Variants in LUZP2 observed in about 807,000 individuals in gnomAD.
The protein encoded by LUZP2 is leucine zipper protein 2.
LUZP2 carries 52 observed loss-of-function variants against 51.6 expected under a neutral mutation model. The ratio of observed to expected loss-of-function variants is 1.01; its 90% confidence interval spans 0.81 to 1.27. The LOEUF is 1.27. Ranked by LOEUF, LUZP2 falls within the 50% of genes most tolerant of loss-of-function variation. The pLI is 0.00. For synonymous variants in LUZP2, 154 were observed against 137.3 expected, an observed-to-expected ratio of 1.12 and a Z score of -0.85; for missense variants, 436 against 395.4, an observed-to-expected ratio of 1.10 and a Z score of -0.87.
intron 5 of LUZP2, among the ~76,000 whole-genome samples, chr11:24,862,615 A>G (rs982518023): frequency 4.6e-5 from 7 of 152,216 alleles, no homozygotes; most frequent in African/African-American, 1.7e-4. Flanking sequence ...GTCAAGATCC[A>G]TCGGTGTGCT....
chr11:24,551,044 C>A (rs931066459), intron 1 of LUZP2, among the ~76,000 whole-genome samples: 2 of 151,946 alleles, frequency 1.3e-5, no homozygotes, highest in Non-Finnish European at 2.9e-5. Flanking sequence ...AAAATTTATA[C>A]ATTTAGAAGA....
At position 24,788,415 on chromosome 11, in the gene LUZP2, C is replaced by G. The variant is rs141962062; in HGVS notation, c.396+25107C>G. Among the ~76,000 whole-genome samples, 589 of 151,880 alleles carry G rather than the reference C, an allele frequency of 3.9e-3. 3 individuals are homozygous for G. The highest frequency in any genetic ancestry group is 0.013 in the African/African-American group (551 of 41,466). ...ATATTGGCCTGGCTGGTCTTGAACT[C>G]CTGACCTTGTGATCCACCCACCTCG... On this transcript the variant is annotated intron_variant, in intron 5 of 11. Transcript: ENST00000336930.
chr11:24,972,896 T>C (rs578219341), intron 7 of LUZP2, among the ~76,000 whole-genome samples: 3 of 152,156 alleles, frequency 2.0e-5, no homozygotes, highest in Admixed American at 2.0e-4. Context: ...CTTTTTTTGT[T>C]GTATGTCTGC....
In LUZP2 at chr11:25,025,117, C is replaced by G. The variant is rs1302531731; in HGVS notation, c.766-24921C>G. Among the ~76,000 whole-genome samples, 86 of 152,108 alleles carry G rather than the reference C, an allele frequency of 5.7e-4. 1 individual carries two copies. The highest frequency in any genetic ancestry group is 1.5e-5 in the Non-Finnish European group (1 of 68,026). On this transcript the variant is annotated intron_variant, in intron 9 of 11. Coordinates refer to ENST00000336930, the MANE Select transcript of LUZP2 (RefSeq NM_001009909.4). ...TATGTAGAAAGGTGAAATTGGATCC[C>G]TTCCTTATACCTTATACAAAAATTA...
chr11:24,720,971 G>A (rs1179930268), intron 1 of LUZP2, among the ~76,000 whole-genome samples: 1 of 152,224 alleles, frequency 6.6e-6, no homozygotes, highest in African/African-American at 2.4e-5. Flanking sequence ...ACAAGCGTGA[G>A]CCAGACCTGT....
chr11:25,025,932 G>A (rs1194577198), intron 9 of LUZP2, among the ~76,000 whole-genome samples: 1 of 152,124 alleles, frequency 6.6e-6, no homozygotes, highest in Admixed American at 6.6e-5. Flanking sequence ...AGAAAATGTG[G>A]CACATATACA....
intron 9 of LUZP2, among the ~76,000 whole-genome samples, chr11:24,998,690 C>A (rs1856584689): frequency 6.6e-6 from 1 of 152,148 alleles, no homozygotes; most frequent in Non-Finnish European, 1.5e-5. Context: ...TTTTTGAAAT[C>A]CTGTCTACCT....
intron 4 of LUZP2, 184 bp from the exon 5 acceptor site, chr11:24,763,062 A>G (rs1486517024): frequency 2.0e-6 from 1 of 502,746 alleles, no homozygotes; most frequent in East Asian, 1.5e-4. Flanking sequence ...ATATTTTAAT[A>G]TAATCAATGA....
At chr11:24,604,742 A>AT (rs749030743) in intron 1 of LUZP2, among the ~76,000 whole-genome samples, 8 of 151,758 alleles carry the variant, frequency 5.3e-5, no homozygotes, top group Non-Finnish European at 1.2e-4. Flanking sequence ...GTAACCTTAC[A>AT]TTTTTCTCAG....
chr11:24,711,520 AGGG>A (rs1857828434), intron 1 of LUZP2, among the ~76,000 whole-genome samples: 2 of 152,006 alleles, frequency 1.3e-5, no homozygotes, highest in African/African-American at 4.8e-5. Flanking sequence ...TATAGACATC[AGGG>A]GAGTCATGCA....
intron 9 of LUZP2, among the ~76,000 whole-genome samples, chr11:25,022,669 G>A (rs7942179): frequency 0.58 from 88,063 of 151,846 alleles, 26,655 homozygotes; most frequent in African/African-American, 0.76. Flanking sequence ...GAAGATAAAA[G>A]TTATCTAGGA....
chr11:24,895,478 C>A (rs1853010576), intron 5 of LUZP2, among the ~76,000 whole-genome samples: 1 of 152,122 alleles, frequency 6.6e-6, no homozygotes, highest in East Asian at 1.9e-4. Context: ...TACTGAGTAT[C>A]GTACCTAAGA....
chr11:24,949,144 T>C (rs1854997129), intron 7 of LUZP2, among the ~76,000 whole-genome samples: 2 of 151,574 alleles, frequency 1.3e-5, no homozygotes, highest in Admixed American at 6.6e-5. Context: ...AAAAAACATA[T>C]GTTTTAGCTC....
rs1856086491 is a variant in LUZP2, at chr11:24,983,137, G to A, written c.609G>A (p.Met203Ile). The A allele has an allele frequency of 6.2e-7, 1 of 1,611,074 alleles. No homozygotes were observed. Among genetic ancestry groups the A allele is most frequent in the Non-Finnish European group, 8.5e-7 (1 of 1,178,298 alleles). Residue 203 changes from methionine (M) to isoleucine (I), a missense_variant, in exon 9 of 12, where the codon ATG (methionine) becomes ATA (isoleucine). Transcript: ENST00000336930. ...CTCTTTTTTTGTAGGAGTCACAGAT[G>A]AAAGCAATGAAAGAGACTGTGCAGC... ...EKAALDRESQ[M>I]KAMKETVQLC...
At chr11:24,928,624 T>G (rs7480277) in intron 7 of LUZP2, among the ~76,000 whole-genome samples, 73,979 of 151,752 alleles carry the variant, frequency 0.49, 18,270 homozygotes, top group East Asian at 0.77. Context: ...TGTTGGATTT[T>G]GTTAGCTAGT....
intron 1 of LUZP2, among the ~76,000 whole-genome samples, chr11:24,704,021 A>G (rs761540180): frequency 1.3e-4 from 20 of 152,340 alleles, no homozygotes; most frequent in Non-Finnish European, 2.6e-4. Flanking sequence ...CAACTGACAT[A>G]TTAGAACCAA....
intron 9 of LUZP2, among the ~76,000 whole-genome samples, chr11:25,031,847 T>C (rs1394891644): frequency 6.6e-6 from 1 of 152,206 alleles, no homozygotes; most frequent in Non-Finnish European, 1.5e-5. Flanking sequence ...ATGTATAAGT[T>C]ATTTATAAGT....
At chr11:24,980,035 C>G (rs142126439) in intron 8 of LUZP2, among the ~76,000 whole-genome samples, 501 of 151,886 alleles carry the variant, frequency 3.3e-3, no homozygotes, top group South Asian at 9.3e-3. Context: ...GCAGAGGTCT[C>G]AAAATATTGA....
intron 1 of LUZP2, among the ~76,000 whole-genome samples, chr11:24,631,546 C>T (rs1315337973): frequency 6.6e-6 from 1 of 151,800 alleles, no homozygotes; most frequent in African/African-American, 2.4e-5. Flanking sequence ...GTTGAAATAT[C>T]CTTGTATCCC....
Sources: gnomAD v4.1 joint callset for allele counts (sites outside exome capture counted in the v4.1 genomes callset) on GRCh38, gnomAD v4.1.1 for gene constraint, MANE v1.5 for transcripts, NCBI Gene and HGNC (gene_info 2026-07-23, HGNC 2026-07-21) for gene names.